Variants in RUNX1T1 observed in about 807,000 individuals in gnomAD.
RUNX1T1 encodes the protein protein CBFA2T1.
RUNX1T1 carries 4 observed loss-of-function variants against 62.8 expected under a neutral mutation model. That is an observed-to-expected ratio of 0.06 (90% CI 0.03 to 0.15). The LOEUF is 0.15. Ranked by LOEUF, RUNX1T1 falls within the 10% of genes least tolerant of loss-of-function variation. The probability of loss-of-function intolerance (pLI) is 1.00; values close to 1 mark genes in which losing one functional copy is unlikely to be tolerated. For missense variants in RUNX1T1, 508 were observed against 754.3 expected (o/e 0.67, Z 3.82); for synonymous variants, 291 against 286.0 (o/e 1.02, Z -0.18).
intron 1 of RUNX1T1, among the ~76,000 whole-genome samples, chr8:92,083,251 G>T (rs1304605419): frequency 6.6e-6 from 1 of 152,094 alleles, no homozygotes; most frequent in African/African-American, 2.4e-5. Context: ...TTGACAAATG[G>T]GATCTAATTA....
intron 1 of RUNX1T1, among the ~76,000 whole-genome samples, chr8:92,079,543 G>T (rs1834917683): frequency 6.6e-6 from 1 of 152,100 alleles, no homozygotes; most frequent in South Asian, 2.1e-4. Flanking sequence ...GTGTGATTTG[G>T]GTGCCCCTCA....
At chr8:91,984,707 A>T (rs1456284336) in intron 8 of RUNX1T1, among the ~76,000 whole-genome samples, 1 of 152,110 alleles carries the variant, frequency 6.6e-6, no homozygotes, top group East Asian at 1.9e-4. Flanking sequence ...TCCTAAGCAA[A>T]TCTCTGATGA....
chr8:92,098,855 AAC>A lies in RUNX1T1; in HGVS notation c.-86+723_-86+724del, dbSNP rs1410271959. Among the ~76,000 whole-genome samples the A allele has an allele frequency of 5.9e-5, 9 of 152,328 alleles. No homozygotes were observed. In the East Asian group the frequency reaches 1.3e-3, roughly 23 times the overall value. On this transcript the variant is annotated intron_variant, in intron 1 of 11. Transcript: ENST00000265814. The stretch of plus-strand genomic sequence containing the variant: ...GCAAAGTAGCTCCTTCTGTTTAAAC[AAC>A]ACAGAGATAACCTGCTCTGTCTTAT...
At chr8:91,967,932 TA>T (rs1267004884) in intron 10 of RUNX1T1, among the ~76,000 whole-genome samples, 3 of 152,162 alleles carry the variant, frequency 2.0e-5, no homozygotes, top group Non-Finnish European at 4.4e-5. Flanking sequence ...TGTGATTTTT[TA>T]AAAACTGTGG....
intron 3 of RUNX1T1, among the ~76,000 whole-genome samples, chr8:92,014,027 T>G (rs1015735783): frequency 1.3e-5 from 2 of 152,132 alleles, no homozygotes; most frequent in African/African-American, 4.8e-5. Flanking sequence ...AATGATGAAC[T>G]GTATGTATAT....
At chr8:92,067,609 A>T (rs938507779), upstream of RUNX1T1, among the ~76,000 whole-genome samples, 1 of 152,212 alleles carries the variant, frequency 6.6e-6, no homozygotes, top group African/African-American at 2.4e-5. Context: ...TAGTGATATC[A>T]TTCTGACAGT....
At chr8:92,073,944 T>C (rs1012604603) in intron 2 of RUNX1T1, among the ~76,000 whole-genome samples, 4 of 152,170 alleles carry the variant, frequency 2.6e-5, no homozygotes, top group African/African-American at 9.6e-5. Flanking sequence ...GCAATCCTCC[T>C]GCCTCAGCCC....
At chr8:92,073,057 T>TCCCAAGCTG (rs1833919023) in intron 2 of RUNX1T1, among the ~76,000 whole-genome samples, 1 of 152,216 alleles carries the variant, frequency 6.6e-6, no homozygotes, top group African/African-American at 2.4e-5. Flanking sequence ...AGCTGCTTCC[T>TCCCAAGCTG]CTTACATCTT....
intron 8 of RUNX1T1, among the ~76,000 whole-genome samples, chr8:91,979,287 T>A (rs1402317892): frequency 6.6e-6 from 1 of 152,134 alleles, no homozygotes; most frequent in Non-Finnish European, 1.5e-5. Context: ...CAAGGGACAA[T>A]TCTCTCCTAG....
At chr8:91,963,794 T>C (rs1811027705) in intron 10 of RUNX1T1, among the ~76,000 whole-genome samples, 2 of 152,236 alleles carry the variant, frequency 1.3e-5, no homozygotes, top group African/African-American at 4.8e-5. Context: ...TTCAAGATAC[T>C]ATTTCCTGAT....
intron 1 of RUNX1T1, among the ~76,000 whole-genome samples, chr8:92,088,506 T>C (rs149499147): frequency 2.6e-5 from 4 of 152,244 alleles, no homozygotes; most frequent in African/African-American, 9.6e-5. Flanking sequence ...ACTCCACTTG[T>C]CAATGTGCAT....
intron 1 of RUNX1T1, among the ~76,000 whole-genome samples, chr8:92,034,793 TATATACACACACACACACACACACACAC>T (rs1334645017): frequency 2.7e-5 from 2 of 73,952 alleles, no homozygotes; most frequent in Admixed American, 1.3e-4. Flanking sequence ...TATATATACA[TATATACACACACACACACACACACACAC>T]ACACACACAC....
intron 5 of RUNX1T1, among the ~76,000 whole-genome samples, chr8:91,995,652 T>C (rs1414711644): frequency 6.6e-6 from 1 of 151,930 alleles, no homozygotes; most frequent in Non-Finnish European, 1.5e-5. Context: ...CTGGACATGG[T>C]GACATACACC....
At chr8:92,083,173 G>A (rs1179963239) in intron 1 of RUNX1T1, among the ~76,000 whole-genome samples, 1 of 152,156 alleles carries the variant, frequency 6.6e-6, no homozygotes, top group Non-Finnish European at 1.5e-5. Flanking sequence ...GATCCAAGTG[G>A]CTTGACCACT....
intron 8 of RUNX1T1, among the ~76,000 whole-genome samples, chr8:91,977,988 A>T (rs1814354777): frequency 6.6e-6 from 1 of 152,052 alleles, no homozygotes; most frequent in African/African-American, 2.4e-5. Context: ...GGGTTTCACC[A>T]TGTTGGCCAG....
downstream of RUNX1T1, chr8:91,955,385 T>A: frequency 4.4e-6 from 1 of 228,040 alleles, no homozygotes. Context: ...GGCTGGCCTT[T>A]CTTCTGTGGA....
intron 1 of RUNX1T1, among the ~76,000 whole-genome samples, chr8:92,096,000 A>T (rs1343355857): frequency 6.6e-6 from 1 of 152,180 alleles, no homozygotes; most frequent in Non-Finnish European, 1.5e-5. Flanking sequence ...GAGTCTATAG[A>T]GCAGTTAAGC....
intron 5 of RUNX1T1, among the ~76,000 whole-genome samples, chr8:91,995,064 T>A (rs1481189171): frequency 6.6e-6 from 1 of 152,146 alleles, no homozygotes; most frequent in Non-Finnish European, 1.5e-5. Context: ...TGTGCAAAAA[T>A]TAGAAAATAT....
chr8:92,056,509 G>A (rs1344735881), intron 1 of RUNX1T1, among the ~76,000 whole-genome samples: 1 of 151,900 alleles, frequency 6.6e-6, no homozygotes, highest in East Asian at 1.9e-4. Flanking sequence ...CTAATAAAGT[G>A]AGCCAGACTA....
Sources: gnomAD v4.1 joint callset for allele counts (sites outside exome capture counted in the v4.1 genomes callset) on GRCh38, gnomAD v4.1.1 for gene constraint, MANE v1.5 for transcripts, NCBI Gene and HGNC (gene_info 2026-07-23, HGNC 2026-07-21) for gene names.